The following EPB41L2 variants were observed in gnomAD, a reference collection of about 807,000 sequenced individuals.
The protein encoded by EPB41L2 is band 4.1-like protein 2.
EPB41L2 carries 43 observed loss-of-function variants against 113.0 expected under a neutral mutation model. The ratio of observed to expected loss-of-function variants is 0.38; its 90% CI spans 0.30 to 0.49. The LOEUF (loss-of-function observed/expected upper bound fraction) is 0.49. Among genes scored for constraint, EPB41L2 ranks in the 20% least tolerant of loss-of-function variants. The probability of loss-of-function intolerance (pLI) is 0.95; values close to 1 mark genes in which losing one functional copy is unlikely to be tolerated. For missense variants in EPB41L2, 1,147 were observed against 1,223.4 expected (o/e 0.94, Z 0.93); for synonymous variants, 442 against 436.7 (o/e 1.01, Z -0.15).
chr6:130,859,555 A>G (rs768348776), intron 18 of EPB41L2, among the ~76,000 whole-genome samples: 24 of 152,002 alleles, frequency 1.6e-4, no homozygotes, highest in Non-Finnish European at 2.9e-4. Context: ...AAACAAAGAG[A>G]AAATTTTACT....
chr6:130,990,516 C>T (rs573926214), intron 1 of EPB41L2, among the ~76,000 whole-genome samples: 2 of 151,972 alleles, frequency 1.3e-5, no homozygotes, highest in African/African-American at 4.8e-5. Flanking sequence ...GATTGTCAGG[C>T]TGGTTTAAAA....
chr6:130,977,756 G>C (rs1470067808), intron 1 of EPB41L2, among the ~76,000 whole-genome samples: 2 of 152,200 alleles, frequency 1.3e-5, no homozygotes, highest in Non-Finnish European at 2.9e-5. Flanking sequence ...CATGTTGCCA[G>C]TTAGCTACAC....
At chr6:130,927,836 T>C (rs1805272565) in intron 3 of EPB41L2, among the ~76,000 whole-genome samples, 1 of 152,224 alleles carries the variant, frequency 6.6e-6, no homozygotes, top group Non-Finnish European at 1.5e-5. Context: ...CTCACGCCTG[T>C]AATCCCAGCA....
At chr6:131,058,739 G>T (rs1386371807) in intron 1 of EPB41L2, among the ~76,000 whole-genome samples, 1 of 152,150 alleles carries the variant, frequency 6.6e-6, no homozygotes, top group East Asian at 1.9e-4. Flanking sequence ...AAACCGGCTG[G>T]GTGCGGTGGC....
rs745890518 is a variant in EPB41L2, at chr6:130,865,642, T to C, written c.2731-8A>G. The C allele has an allele frequency of 6.2e-7, 1 of 1,613,946 alleles. No homozygotes were observed. Among genetic ancestry groups the C allele is most frequent in the Non-Finnish European group, 8.5e-7 (1 of 1,179,872 alleles). On this transcript the variant is annotated splice_region_variant and splice_polypyrimidine_tract_variant and intron_variant, in intron 16 of 19. Coordinates refer to ENST00000337057, the MANE Select transcript of EPB41L2 (RefSeq NM_001431.4). ...ACCAGCCCCGCCATCAATCTTTGGA[T>C]AGTTGGGGGAAAAATACAAAGTAAT...
intron 18 of EPB41L2, among the ~76,000 whole-genome samples, chr6:130,860,952 G>T (rs1193378664): frequency 6.6e-6 from 1 of 152,220 alleles, no homozygotes; most frequent in Non-Finnish European, 1.5e-5. Context: ...ACAGGGTGAA[G>T]AATCTGCAAA....
intron 1 of EPB41L2, among the ~76,000 whole-genome samples, chr6:131,038,073 A>G (rs1793722171): frequency 6.6e-6 from 1 of 152,180 alleles, no homozygotes; most frequent in Non-Finnish European, 1.5e-5. Context: ...CTTCATTTTT[A>G]TATTTCTTTT....
intron 8 of EPB41L2, among the ~76,000 whole-genome samples, 180 bp downstream of exon 8, chr6:130,899,311 A>G (rs1795606808): frequency 6.6e-6 from 1 of 152,102 alleles, no homozygotes; most frequent in African/African-American, 2.4e-5. Context: ...GACAGAATAC[A>G]TGGTCCCTCC....
At chr6:130,945,154 C>T (rs1303129738) in intron 3 of EPB41L2, among the ~76,000 whole-genome samples, 1 of 152,090 alleles carries the variant, frequency 6.6e-6, no homozygotes, top group Non-Finnish European at 1.5e-5. Context: ...GCCATAACTT[C>T]CAGATCCTCT....
intron 12 of EPB41L2, 23 bp downstream of exon 12, chr6:130,885,073 C>T (rs754573584): frequency 6.2e-6 from 10 of 1,613,246 alleles, no homozygotes; most frequent in Non-Finnish European, 7.6e-6. Flanking sequence ...TTTAAAACCA[C>T]ATACTGTGCT....
chr6:130,893,783 G>T (rs1483080532), intron 10 of EPB41L2, among the ~76,000 whole-genome samples: 1 of 152,176 alleles, frequency 6.6e-6, no homozygotes, highest in African/African-American at 2.4e-5. Flanking sequence ...AGTAGTTTGA[G>T]GGGGTCAGAA....
intron 1 of EPB41L2, among the ~76,000 whole-genome samples, chr6:131,055,304 G>A (rs997522266): frequency 2.0e-5 from 3 of 152,116 alleles, no homozygotes; most frequent in African/African-American, 4.8e-5. Flanking sequence ...AAAGGTCGGG[G>A]GAGAGCCACA....
intron 3 of EPB41L2, among the ~76,000 whole-genome samples, chr6:130,934,790 TGTTTTC>T (rs1562524818): frequency 1.4e-5 from 2 of 141,794 alleles, no homozygotes; most frequent in Non-Finnish European, 3.0e-5. Context: ...CCTTTCTTTT[TGTTTTC>T]TTTTTTTTTT....
chr6:131,031,492 C>T (rs1792149499), intron 1 of EPB41L2, among the ~76,000 whole-genome samples: 1 of 152,100 alleles, frequency 6.6e-6, no homozygotes, highest in African/African-American at 2.4e-5. Context: ...TTAGAATTAT[C>T]TTATTTAACT....
chr6:130,954,295 C>T (rs1320570794), intron 3 of EPB41L2, among the ~76,000 whole-genome samples: 3 of 151,990 alleles, frequency 2.0e-5, no homozygotes, highest in African/African-American at 7.2e-5. Flanking sequence ...CCTCGTGATC[C>T]GCCCGCCTTG....
intron 10 of EPB41L2, among the ~76,000 whole-genome samples, chr6:130,892,583 G>A (rs1793324990): frequency 6.6e-6 from 1 of 151,830 alleles, no homozygotes; most frequent in African/African-American, 2.4e-5. Flanking sequence ...TATGATCAGT[G>A]TAACTTGAGG....
chr6:130,950,438 G>A (rs948135544), intron 3 of EPB41L2, among the ~76,000 whole-genome samples: 1 of 151,950 alleles, frequency 6.6e-6, no homozygotes, highest in Non-Finnish European at 1.5e-5. Context: ...TGTCAAATTA[G>A]ATGAAATGGA....
intron 1 of EPB41L2, among the ~76,000 whole-genome samples, chr6:131,009,227 T>C (rs1405557283): frequency 6.6e-6 from 1 of 152,196 alleles, no homozygotes; most frequent in Non-Finnish European, 1.5e-5. Context: ...TCTGATGGTT[T>C]TATAAGGGGC....
chr6:131,038,979 T>A (rs569945245), intron 1 of EPB41L2, among the ~76,000 whole-genome samples: 3 of 151,522 alleles, frequency 2.0e-5, no homozygotes, highest in Admixed American at 6.6e-5. Flanking sequence ...AAAACCAACA[T>A]TTTTTTTTAA....
Sources: allele counts gnomAD v4.1 joint callset (sites outside exome capture counted in the v4.1 genomes callset), GRCh38; gene constraint gnomAD v4.1.1; transcripts MANE v1.5; gene names NCBI Gene and HGNC (gene_info 2026-07-23, HGNC 2026-07-21).